The following DSG4 variants were observed in gnomAD, a reference collection of about 807,000 sequenced individuals.
The protein encoded by DSG4 is desmoglein 4.
A neutral mutation model predicts 93.1 loss-of-function variants in DSG4; 87 were observed. The ratio of observed to expected loss-of-function variants is 0.93; its 90% CI spans 0.79 to 1.12. The LOEUF (loss-of-function observed/expected upper bound fraction) is 1.12. DSG4 is among the 50% of genes most tolerant of loss of function. The pLI, the probability that DSG4 is intolerant of heterozygous loss-of-function variation, is 0.00. For synonymous variants in DSG4, 432 were observed against 452.9 expected (o/e 0.95, Z 0.59); for missense variants, 1,373 against 1,285.7 (o/e 1.07, Z -1.04).
At chr18:31,403,783 A>G (rs562417229) in intron 11 of DSG4, 149 bp downstream of exon 11, 23 of 727,526 alleles carry the variant, frequency 3.2e-5, no homozygotes, top group African/African-American at 5.3e-5. Context: ...TATTTCATGT[A>G]CACAGAGGAT....
intron 11 of DSG4, among the ~76,000 whole-genome samples, chr18:31,405,161 G>C (rs2072410726): frequency 6.6e-6 from 1 of 152,152 alleles, no homozygotes; most frequent in Non-Finnish European, 1.5e-5. Context: ...GGATCAATCA[G>C]TTACTATTCA....
intron 9 of DSG4, among the ~76,000 whole-genome samples, chr18:31,399,857 T>C (rs1353919822): frequency 6.6e-6 from 1 of 152,204 alleles, no homozygotes; most frequent in African/African-American, 2.4e-5. Context: ...GGACCGGGGC[T>C]GATTAAGCCA....
Position 31,376,927 on chromosome 18 carries a change from T to TTTTGA in DSG4, c.17_18insTTGAT (p.Arg7Ter), listed in dbSNP as rs748785690. On this transcript the variant is annotated stop_gained and frameshift_variant, in exon 1 of 16. Transcript: ENST00000308128. LOFTEE classifies it high-confidence loss of function. ...ACCCAAAGGAATGGATTGGCTCTTC[T>TTTTGA]TCAGAAACATTTGCCTTTTGATCAT... 1 of 1,613,516 alleles carries TTTTGA rather than the reference T, an allele frequency of 6.2e-7. No individual in the cohort carries two copies. The highest frequency in any genetic ancestry group is 1.3e-5 in the African/African-American group (1 of 74,884).
intron 10 of DSG4, among the ~76,000 whole-genome samples, chr18:31,402,287 T>G (rs1016701796): frequency 1.3e-5 from 2 of 152,216 alleles, no homozygotes; most frequent in Middle Eastern, 3.2e-3. Context: ...CAGACCTCTA[T>G]GCAGAGCAAA....
chr18:31,391,241 CCATAAGTGTCAATAATCAATTTG>C lies in DSG4; in HGVS notation c.819+50_819+72del, dbSNP rs754409805. ...AGTTTGTATTCTTATCTTCCTTTTTCCATAAGTGTCAATAATCAATTTGCATAAGTGTCAATAATCAATCATGC... is the reference window on the plus strand; with the variant it reads ...AGTTTGTATTCTTATCTTCCTTTTTCCATAAGTGTCAATAATCAATCATGC... On this transcript the variant is annotated intron_variant, in intron 7 of 15. Transcript: ENST00000308128. The C allele has an allele frequency of 7.4e-6, 12 of 1,612,468 alleles. No individual in the cohort carries two copies. In the African/African-American group the frequency reaches 9.4e-5, roughly 13 times the overall value.
rs2072174427 is a variant in DSG4 at position 31,385,172 on chromosome 18, G to A, written c.84+1G>A. On this transcript the variant is annotated splice_donor_variant, in intron 2 of 15. Transcript: ENST00000308128. LOFTEE classifies it high-confidence loss of function. ...AGTAAACAGTGAATTTATTGTTGAG[G>A]TAATGTAAAATAAAATTATTTTCTC... 1.3e-6 allele frequency: 2 copies of A among 1,578,352 alleles called. No individual in the cohort carries two copies. The highest frequency in any genetic ancestry group is 1.7e-6 in the Non-Finnish European group (2 of 1,156,432).
intron 5 of DSG4, 39 bp from the exon 6 acceptor site, chr18:31,390,617 A>G: frequency 1.2e-6 from 2 of 1,611,610 alleles, no homozygotes; most frequent in Non-Finnish European, 1.7e-6. Flanking sequence ...ATTTATTCTA[A>G]GAGTCCCAAC....
In DSG4 at chr18:31,413,773, T is replaced by G; in HGVS notation, c.*178T>G. The G allele has an allele frequency of 1.3e-6, 1 of 792,274 alleles. No individual in the cohort carries two copies. Among genetic ancestry groups the G allele is most frequent in the Non-Finnish European group, 1.9e-6 (1 of 517,472 alleles). The allele number at this position is 792,274 out of a possible 1,614,324, so 49.1% of individuals were successfully genotyped here. Reference sequence around the variant, plus strand: ...GGTGAATATGGCTAGGCACTTTAGATAAGCCTTTTTAAAATTCTTTCTGAT... The same window carrying G: ...GGTGAATATGGCTAGGCACTTTAGAGAAGCCTTTTTAAAATTCTTTCTGAT... On this transcript the variant is annotated 3_prime_UTR_variant, in exon 16 of 16. Coordinates refer to ENST00000308128, the MANE Select transcript of DSG4 (RefSeq NM_177986.5).
chr18:31,390,910 T>C, intron 6 of DSG4, 88 bp downstream of exon 6: 2 of 1,528,864 alleles, frequency 1.3e-6, no homozygotes, highest in Non-Finnish European at 1.8e-6. Flanking sequence ...CTTACTCCAA[T>C]ATAAAGGAGG....
In DSG4 at chr18:31,412,924, A is replaced by G; in HGVS notation, c.2452A>G (p.Ile818Val). The G allele has an allele frequency of 6.2e-7, 1 of 1,614,172 alleles. No individual in the cohort carries two copies. The highest frequency in any genetic ancestry group is 2.2e-5 in the East Asian group (1 of 44,882). Residue 818 changes from isoleucine to valine, a missense_variant, in exon 16 of 16, where the codon ATT (isoleucine) becomes GTT (valine). Physicochemically the swap from Ile to Val is conservative, Grantham distance 29 (BLOSUM62 3). Transcript: ENST00000308128. The stretch of plus-strand genomic sequence containing the variant: ...GGGAGTCGGGTCTCCCGTAGGCTCT[A>G]TTGGTTGTTGCAGTTGGATTGTGGA... ...HEGVGSPVGS[I>V]GCCSWIVDDL...
intron 1 of DSG4, among the ~76,000 whole-genome samples, chr18:31,378,166 A>G (rs1213131671): frequency 1.3e-5 from 2 of 152,242 alleles, no homozygotes; most frequent in Admixed American, 1.3e-4. Flanking sequence ...CAGATTATTA[A>G]ACAATACCAT....
At chr18:31,409,985 G>C (rs879231226) in intron 14 of DSG4, among the ~76,000 whole-genome samples, 177 bp downstream of exon 14, 1 of 152,128 alleles carries the variant, frequency 6.6e-6, no homozygotes, top group African/African-American at 2.4e-5. Flanking sequence ...TGAAACTACA[G>C]ACAGTGAAGT....
At chr18:31,408,915 T>TTTTGATAGC (rs763095487) in intron 12 of DSG4, among the ~76,000 whole-genome samples, 2 of 152,314 alleles carry the variant, frequency 1.3e-5, no homozygotes, top group Non-Finnish European at 2.9e-5. Flanking sequence ...AGCTAAACAT[T>TTTTGATAGC]TTTGATAGCT....
chr18:31,391,171 T>G lies in DSG4; in HGVS notation c.778T>G (p.Leu260Val). ...SSECDCRIKV[L>V]DVNDNFPTLE... ...TGAGTGTGACTGTAGAATCAAGGTT[T>G]TAGACGTCAACGATAATTTCCCCAC... The change falls in exon 7 of 16, where the codon TTA (leucine) becomes GTA (valine). Residue 260 changes from leucine to valine, a missense_variant. Leu to Val is a conservative substitution (Grantham distance 32). Transcript: ENST00000308128. The G allele has an allele frequency of 2.5e-6, 4 of 1,613,750 alleles. No homozygotes were observed. The highest frequency in any genetic ancestry group is 3.4e-6 in the Non-Finnish European group (4 of 1,179,716).
rs535364200 is a variant in DSG4 at position 31,405,165 on chromosome 18, C to G, written c.1637-912C>G. Among the ~76,000 whole-genome samples the G allele has an allele frequency of 2.0e-5, 3 of 152,256 alleles. No homozygotes were observed. In the East Asian group the frequency reaches 5.8e-4, roughly 29 times the overall value. On this transcript the variant is annotated intron_variant, in intron 11 of 15. Coordinates refer to ENST00000308128, the MANE Select transcript of DSG4 (RefSeq NM_177986.5). ...TTGTGTGCTATGGATCAATCAGTTA[C>G]TATTCATGGTTTAGCTGTAAATTTA...
intron 2 of DSG4, among the ~76,000 whole-genome samples, chr18:31,385,882 C>T (rs2072181531): frequency 6.6e-6 from 1 of 152,028 alleles, no homozygotes; most frequent in South Asian, 2.1e-4. Context: ...TTATAATCAC[C>T]TGTGTTTCAG....
chr18:31,388,753 T>G, intron 4 of DSG4, 121 bp from the exon 5 acceptor site: 1 of 1,454,234 alleles, frequency 6.9e-7, no homozygotes, highest in South Asian at 1.2e-5. Context: ...ATTATTTGAC[T>G]GTACTACAGT....
intron 7 of DSG4, among the ~76,000 whole-genome samples, chr18:31,391,780 G>C (rs1300108744): frequency 6.6e-6 from 1 of 151,980 alleles, no homozygotes; most frequent in African/African-American, 2.4e-5. Context: ...GTGAGGGGTT[G>C]CAACACCAAT....
Position 31,386,827 on chromosome 18 carries a change from A to G in DSG4, c.216+8A>G. ...AGGAACCCCATTGCCAAAGTAAGTG[A>G]TGAAGCAATCTGATGACAAATGCTT... is the stretch of plus-strand genomic sequence containing the variant. On this transcript the variant is annotated splice_region_variant and intron_variant, in intron 3 of 15. Transcript: ENST00000308128. The G allele has an allele frequency of 6.2e-7, 1 of 1,613,016 alleles. No individual in the cohort carries two copies. The highest frequency in any genetic ancestry group is 8.5e-7 in the Non-Finnish European group (1 of 1,179,142).
Sources: gnomAD v4.1 joint callset for allele counts (sites outside exome capture counted in the v4.1 genomes callset) on GRCh38, gnomAD v4.1.1 for gene constraint, MANE v1.5 for transcripts, NCBI Gene and HGNC (gene_info 2026-07-23, HGNC 2026-07-21) for gene names.